The following TINAG variants were observed in gnomAD, a reference collection of about 807,000 sequenced individuals.
TINAG encodes the protein tubulointerstitial nephritis antigen.
Under a neutral mutation model 72.7 loss-of-function variants are expected in TINAG, and 83 were observed. The observed-to-expected ratio is 1.14, with a 90% CI of 0.96 to 1.37. The LOEUF (loss-of-function observed/expected upper bound fraction) is 1.37. Among genes scored for constraint, TINAG ranks in the 40% most tolerant of loss-of-function variants. The pLI is 0.00. For missense variants in TINAG, 685 were observed against 576.6 expected, an observed-to-expected ratio of 1.19 and a Z score of -1.93; for synonymous variants, 234 against 189.9, an observed-to-expected ratio of 1.23 and a Z score of -1.91.
chr6:54,320,435 C>A, intron 1 of TINAG, 144 bp from the exon 2 acceptor site: 1 of 572,582 alleles, frequency 1.7e-6, no homozygotes, highest in Non-Finnish European at 3.0e-6. Flanking sequence ...TGACACAAAC[C>A]TGACATGGAT....
At chr6:54,357,808 A>T (rs183914227) in intron 9 of TINAG, among the ~76,000 whole-genome samples, 1 of 151,956 alleles carries the variant, frequency 6.6e-6, no homozygotes. Flanking sequence ...GCTCCTTGAC[A>T]GTCTAGTCTC....
In TINAG at chr6:54,315,723, C is replaced by T. The variant is rs9349703; in HGVS notation, c.356-4856C>T. 9.9e-3 allele frequency among the ~76,000 whole-genome samples: 1,499 copies of T among 151,516 alleles called. 38 individuals carry two copies. The highest frequency in any genetic ancestry group is 0.062 in the East Asian group (321 of 5,164). ...AAATTCAAATGTCAGATATGGAGAA[C>T]CAGTGACAGAGTTGAAAACAGAGCT... is the stretch of plus-strand genomic sequence containing the variant. On this transcript the variant is annotated intron_variant, in intron 1 of 10. Transcript: ENST00000259782.
At chr6:54,310,625 T>G (rs1230521268) in intron 1 of TINAG, among the ~76,000 whole-genome samples, 2 of 121,494 alleles carry the variant, frequency 1.6e-5, no homozygotes, top group South Asian at 2.5e-4. Context: ...CTCTCTCCCC[T>G]TCCTTCCTTC....
intron 4 of TINAG, among the ~76,000 whole-genome samples, chr6:54,338,370 C>A (rs934281746): frequency 6.6e-6 from 1 of 152,094 alleles, no homozygotes; most frequent in African/African-American, 2.4e-5. Context: ...ATAGTACAGG[C>A]ACCTATTCTC....
rs529750662 is a variant in TINAG, at chr6:54,372,998, C to G, written c.1251-7528C>G. Among the ~76,000 whole-genome samples, 4 of 152,078 alleles carry G rather than the reference C, an allele frequency of 2.6e-5. No individual in the cohort carries two copies. In the East Asian group the frequency reaches 7.7e-4, roughly 29 times the overall value. ...AAATTTTGCACATGATTAATGAGTA[C>G]TAGCTGTGGCATTAAGTGACAACTT... On this transcript the variant is annotated intron_variant, in intron 9 of 10. Coordinates refer to ENST00000259782, the MANE Select transcript of TINAG (RefSeq NM_014464.4).
At chr6:54,312,052 T>C (rs1335665905) in intron 1 of TINAG, among the ~76,000 whole-genome samples, 1 of 152,040 alleles carries the variant, frequency 6.6e-6, no homozygotes, top group South Asian at 2.1e-4. Flanking sequence ...GCTTTTTTTT[T>C]GTTTGTTTTT....
chr6:54,360,899 C>T (rs1763215947), intron 9 of TINAG, among the ~76,000 whole-genome samples: 1 of 103,202 alleles, frequency 9.7e-6, no homozygotes, highest in Non-Finnish European at 1.8e-5. Context: ...GGCAACCCTA[C>T]ATGGAGAAAG....
At chr6:54,333,273 G>T (rs1225623433) in intron 4 of TINAG, among the ~76,000 whole-genome samples, 1 of 152,112 alleles carries the variant, frequency 6.6e-6, no homozygotes, top group Admixed American at 6.6e-5. Context: ...ATATACCATG[G>T]AATACTATGC....
chr6:54,377,215 G>A (rs1012715582), intron 9 of TINAG, among the ~76,000 whole-genome samples: 1 of 152,068 alleles, frequency 6.6e-6, no homozygotes, highest in African/African-American at 2.4e-5. Context: ...CAAAGGTATA[G>A]AAATAACCTC....
chr6:54,352,720 G>GT (rs138638752), intron 8 of TINAG, among the ~76,000 whole-genome samples: 2,180 of 144,130 alleles, frequency 0.015, 46 homozygotes, highest in African/African-American at 0.05. Context: ...TGTTTCAAGT[G>GT]TTTTTTTTTT....
chr6:54,372,753 T>C (rs373697323), intron 9 of TINAG, among the ~76,000 whole-genome samples: 325 of 23,320 alleles, frequency 0.014, 1 homozygote, highest in Non-Finnish European at 0.028. Context: ...TATATATATA[T>C]ATATATATAT....
At chr6:54,359,376 T>C (rs1763156412) in intron 9 of TINAG, among the ~76,000 whole-genome samples, 1 of 151,882 alleles carries the variant, frequency 6.6e-6, no homozygotes, top group Admixed American at 6.6e-5. Flanking sequence ...CACTAGGTAA[T>C]TGACTTATAC....
At position 54,360,841 on chromosome 6, in the gene TINAG, G is replaced by GTTTTTTTTTTTTTTTTTTTTTTTTTTTT. The variant is rs70983415; in HGVS notation, c.1250+6209_1250+6236dup. ...GTTTCTTGTGTTTCACAGATACTGT[G>GTTTTTTTTTTTTTTTTTTTTTTTTTTTT]TTTTTTTTTTTTTTTTTTTTTTTTT... On this transcript the variant is annotated intron_variant, in intron 9 of 10. Transcript: ENST00000259782. Among the ~76,000 whole-genome samples the GTTTTTTTTTTTTTTTTTTTTTTTTTTTT allele has an allele frequency of 1.3e-3, 34 of 26,242 alleles. 9 individuals are homozygous for GTTTTTTTTTTTTTTTTTTTTTTTTTTTT. The highest frequency in any genetic ancestry group is 2.0e-3 in the Non-Finnish European group (23 of 11,786). The allele number at this position is 26,242 out of a possible 152,430, so 17.2% of individuals were successfully genotyped here.
chr6:54,320,754 C>T (rs952056023), intron 2 of TINAG, 112 bp downstream of exon 2: 2 of 761,202 alleles, frequency 2.6e-6, no homozygotes, highest in East Asian at 2.6e-5. Context: ...TAGGCAGAAT[C>T]ATACATCATA....
rs137878522 is a variant in TINAG at position 54,314,638 on chromosome 6, T to C, written c.355+5733T>C. Among the ~76,000 whole-genome samples the C allele has an allele frequency of 3.5e-3, 528 of 152,308 alleles. 3 individuals are homozygous for C. Among genetic ancestry groups the C allele is most frequent in the African/African-American group, 0.01 (435 of 41,572 alleles). Reference sequence around the variant, plus strand: ...CCTAAAAACACAGTGGCTATTTGGATGTCTGCCTTTTGATTAGTTATTATA... The same window carrying C: ...CCTAAAAACACAGTGGCTATTTGGACGTCTGCCTTTTGATTAGTTATTATA... On this transcript the variant is annotated intron_variant, in intron 1 of 10. Transcript: ENST00000259782.
At chr6:54,313,304 G>C (rs552698029) in intron 1 of TINAG, among the ~76,000 whole-genome samples, 2 of 152,084 alleles carry the variant, frequency 1.3e-5, no homozygotes, top group African/African-American at 4.8e-5. Context: ...GTTAGGGATC[G>C]TATTCCTGTT....
chr6:54,311,796 C>G (rs1784264737), intron 1 of TINAG, among the ~76,000 whole-genome samples: 1 of 152,080 alleles, frequency 6.6e-6, no homozygotes, highest in South Asian at 2.1e-4. Flanking sequence ...CTTCCATAAA[C>G]AGTTTTTGAA....
intron 1 of TINAG, among the ~76,000 whole-genome samples, chr6:54,310,800 C>T (rs1299969009): frequency 2.9e-5 from 4 of 139,592 alleles, no homozygotes; most frequent in Non-Finnish European, 4.6e-5. Context: ...TCTTTTTTCT[C>T]TCTCTCTTTC....
Position 54,389,814 on chromosome 6 carries a change from G to T in TINAG, c.1320G>T (p.Lys440Asn). The T allele has an allele frequency of 6.2e-7, 1 of 1,602,466 alleles. No individual in the cohort carries two copies. The highest frequency in any genetic ancestry group is 1.1e-5 in the South Asian group (1 of 88,476). ...AGATTGCTGCCAATTCCTGGGGAAA[G>T]TCATGGGGAGAGAATGGCTATTTCA... ...KFWIAANSWGKSWGENGYFRI... is the reference protein window; with the variant it reads ...KFWIAANSWGNSWGENGYFRI... The change falls in exon 11 of 11, where the codon AAG (lysine) becomes AAT (asparagine). Residue 440 changes from lysine to asparagine, a missense_variant. Lys to Asn is a moderately conservative substitution (Grantham distance 94, BLOSUM62 0). Coordinates refer to ENST00000259782, the MANE Select transcript of TINAG (RefSeq NM_014464.4).
Sources: allele counts gnomAD v4.1 joint callset (sites outside exome capture counted in the v4.1 genomes callset), GRCh38; gene constraint gnomAD v4.1.1; transcripts MANE v1.5; gene names NCBI Gene and HGNC (gene_info 2026-07-23, HGNC 2026-07-21).